The following NSRP1 variants were observed in gnomAD, a reference collection of about 807,000 sequenced individuals.
NSRP1 encodes the protein coiled-coil domain containing 55.
NSRP1 carries 24 observed loss-of-function variants against 54.7 expected under a neutral mutation model. The observed-to-expected ratio is 0.44, with a 90% CI of 0.32 to 0.62. The LOEUF (loss-of-function observed/expected upper bound fraction) is 0.62. Among genes scored for constraint, NSRP1 ranks in the 20% least tolerant of loss-of-function variants. The pLI, the probability that NSRP1 is intolerant of heterozygous loss-of-function variation, is 0.06. For missense variants in NSRP1, 596 were observed against 651.2 expected (o/e 0.92, Z 0.92); for synonymous variants, 210 against 213.8 (o/e 0.98, Z 0.15).
Position 30,184,949 on chromosome 17 carries a change from G to A in NSRP1, c.952G>A (p.Asp318Asn). 2.5e-6 allele frequency: 4 copies of A among 1,614,082 alleles called. No individual in the cohort carries two copies. Among genetic ancestry groups the A allele is most frequent in the Non-Finnish European group, 2.5e-6 (3 of 1,180,026 alleles). The part of the protein sequence containing the change: ...RTSRGHEKRE[D>N]QHQQKQSRDQ... ...GTCGAGAGGACATGAGAAAAGGGAAGATCAGCACCAGCAGAAGCAATCCAG... is the reference window on the plus strand; with the variant it reads ...GTCGAGAGGACATGAGAAAAGGGAAAATCAGCACCAGCAGAAGCAATCCAG... The change falls in exon 7 of 7, where the codon GAT becomes AAT. Residue 318 changes from aspartate to asparagine, a missense_variant. Physicochemically the swap from Asp to Asn is conservative, Grantham distance 23. Transcript: ENST00000247026.
At chr17:30,181,158 G>A in intron 6 of NSRP1, 142 bp downstream of exon 6, 1 of 611,370 alleles carries the variant, frequency 1.6e-6, no homozygotes, top group Non-Finnish European at 2.9e-6. Flanking sequence ...CTGAATGAAT[G>A]GCTAGAAATT....
chr17:30,132,291 G>A (rs1020411140), intron 2 of NSRP1, among the ~76,000 whole-genome samples: 4 of 145,402 alleles, frequency 2.8e-5, no homozygotes, highest in Non-Finnish European at 6.0e-5. Flanking sequence ...AGTGGCTCAT[G>A]CCTATAATCC....
chr17:30,130,744 A>G (rs961474601), intron 2 of NSRP1, among the ~76,000 whole-genome samples: 8 of 152,146 alleles, frequency 5.3e-5, no homozygotes, highest in African/African-American at 1.7e-4. Flanking sequence ...GTCTTGCTGC[A>G]AATAATGTTG....
intron 2 of NSRP1, among the ~76,000 whole-genome samples, chr17:30,121,463 T>G (rs564034056): frequency 5.3e-5 from 8 of 151,942 alleles, no homozygotes; most frequent in Non-Finnish European, 1.2e-4. Context: ...CTTTTTTTTT[T>G]TTTTTTGGTC....
At chr17:30,164,213 G>A (rs1597614495) in intron 2 of NSRP1, among the ~76,000 whole-genome samples, 1 of 151,802 alleles carries the variant, frequency 6.6e-6, no homozygotes, top group African/African-American at 2.4e-5. Flanking sequence ...TAATCTTTTT[G>A]TAGCACCTAG....
rs567375351 is a variant in NSRP1 at position 30,154,711 on chromosome 17, C to CA, written c.115-17818dup. On this transcript the variant is annotated intron_variant, in intron 2 of 6. Coordinates refer to ENST00000247026, the MANE Select transcript of NSRP1 (RefSeq NM_032141.4). The stretch of plus-strand genomic sequence containing the variant: ...TGGGCAACAGAGTGAGACCCTGTCT[C>CA]AAAAAAAAAAAAAGAAGAAAAGAAA... 389 of 110,930 alleles carry CA rather than the reference C, an allele frequency of 3.5e-3. 1 individual carries two copies. Among genetic ancestry groups the CA allele is most frequent in the East Asian group, 6.4e-3 (26 of 4,080 alleles). 6.9% of individuals were successfully genotyped at this position (110,930 alleles called of 1,614,324 possible).
At chr17:30,166,804 T>C (rs539189478) in intron 2 of NSRP1, among the ~76,000 whole-genome samples, 1 of 152,226 alleles carries the variant, frequency 6.6e-6, no homozygotes, top group South Asian at 2.1e-4. Context: ...CGCACACTTG[T>C]AATCCCAGCT....
chr17:30,176,355 A>T (rs1173442733), intron 3 of NSRP1, among the ~76,000 whole-genome samples: 1 of 152,130 alleles, frequency 6.6e-6, no homozygotes, highest in Non-Finnish European at 1.5e-5. Context: ...TCATGCATGT[A>T]ATCCCTGTAC....
At chr17:30,138,234 T>G (rs560452303) in intron 2 of NSRP1, among the ~76,000 whole-genome samples, 59 of 152,340 alleles carry the variant, frequency 3.9e-4, no homozygotes, top group Non-Finnish European at 7.8e-4. Flanking sequence ...TTTAATCTGT[T>G]CATCCATGCC....
chr17:30,184,936 T>C lies in NSRP1; in HGVS notation c.939T>C (p.His313=). 1.9e-6 allele frequency: 3 copies of C among 1,613,608 alleles called. No homozygotes were observed. The highest frequency in any genetic ancestry group is 2.5e-6 in the Non-Finnish European group (3 of 1,179,954). The change falls in exon 7 of 7, where the codon CAT becomes CAC. Residue 313 remains histidine, a synonymous_variant. Transcript: ENST00000247026. ...HTKGSRTSRG[H]EKREDQHQQK... is the part of the protein sequence containing the mutation. ...AAGGATCACGAACGTCGAGAGGACATGAGAAAAGGGAAGATCAGCACCAGC... is the reference window on the plus strand; with the variant it reads ...AAGGATCACGAACGTCGAGAGGACACGAGAAAAGGGAAGATCAGCACCAGC...
At chr17:30,170,652 T>C (rs1454789443) in intron 2 of NSRP1, among the ~76,000 whole-genome samples, 1 of 152,210 alleles carries the variant, frequency 6.6e-6, no homozygotes, top group Non-Finnish European at 1.5e-5. Flanking sequence ...ATCATACATA[T>C]TTACCACAGT....
At chr17:30,181,054 C>T (rs781645802) in intron 6 of NSRP1, 38 bp downstream of exon 6, 3 of 1,228,086 alleles carry the variant, frequency 2.4e-6, no homozygotes, top group Non-Finnish European at 3.6e-6. Flanking sequence ...AAGAAAAATA[C>T]TGTTAATAAT....
intron 2 of NSRP1, among the ~76,000 whole-genome samples, chr17:30,131,997 C>T (rs2071704066): frequency 6.6e-6 from 1 of 152,114 alleles, no homozygotes; most frequent in Non-Finnish European, 1.5e-5. Context: ...GCTTGTAATC[C>T]CAGCACTTTG....
intron 3 of NSRP1, among the ~76,000 whole-genome samples, chr17:30,174,857 GC>G (rs1905074087): frequency 6.6e-6 from 1 of 152,128 alleles, no homozygotes; most frequent in Non-Finnish European, 1.5e-5. Flanking sequence ...ATATATTGTT[GC>G]ATTTGGCTTA....
chr17:30,183,857 G>T (rs1905405670), intron 6 of NSRP1, among the ~76,000 whole-genome samples: 2 of 152,132 alleles, frequency 1.3e-5, no homozygotes, highest in Admixed American at 6.6e-5. Context: ...CCACTATTTT[G>T]CTGTGCAAAG....
At chr17:30,180,860 C>T in intron 5 of NSRP1, 48 bp from the exon 6 acceptor site, 1 of 1,136,614 alleles carries the variant, frequency 8.8e-7, no homozygotes, top group Non-Finnish European at 1.3e-6. Flanking sequence ...AATGAAACTG[C>T]ACTGTGCCTT....
At chr17:30,170,700 GT>G (rs1235591107) in intron 2 of NSRP1, among the ~76,000 whole-genome samples, 1 of 152,134 alleles carries the variant, frequency 6.6e-6, no homozygotes, top group Non-Finnish European at 1.5e-5. Context: ...CAGGTAGATT[GT>G]TTCCATACCT....
chr17:30,146,729 G>A (rs1361691922), intron 2 of NSRP1, among the ~76,000 whole-genome samples: 3 of 152,140 alleles, frequency 2.0e-5, no homozygotes, highest in Non-Finnish European at 4.4e-5. Context: ...TCTGCCTCCC[G>A]AGTAGCTGGG....
intron 5 of NSRP1, among the ~76,000 whole-genome samples, chr17:30,179,608 A>G (rs2143010128): frequency 6.6e-6 from 1 of 152,338 alleles, no homozygotes; most frequent in African/African-American, 2.4e-5. Flanking sequence ...GTATAACGCC[A>G]TGGCATTTGT....
Sources: allele counts gnomAD v4.1 joint callset (sites outside exome capture counted in the v4.1 genomes callset), GRCh38; gene constraint gnomAD v4.1.1; transcripts MANE v1.5; gene names NCBI Gene and HGNC (gene_info 2026-07-23, HGNC 2026-07-21).